Variants in DIAPH2 observed in about 807,000 individuals in gnomAD.
The protein encoded by DIAPH2 is protein diaphanous homolog 2.
A neutral mutation model predicts 92.7 loss-of-function variants in DIAPH2; 35 were observed. That is an observed-to-expected ratio of 0.38 (90% CI 0.29 to 0.50). DIAPH2 has a LOEUF of 0.50. Among genes scored for constraint, DIAPH2 ranks in the 20% least tolerant of loss-of-function variants. The pLI, the probability that DIAPH2 is intolerant of heterozygous loss-of-function variation, is 0.94. For synonymous variants in DIAPH2, 301 were observed against 280.4 expected (o/e 1.07, Z -0.73); for missense variants, 701 against 819.5 (o/e 0.86, Z 1.77).
intron 26 of DIAPH2, among the ~76,000 whole-genome samples, chrX:97,446,434 A>G (rs2070311298): frequency 8.9e-6 from 1 of 112,027 alleles, no homozygotes; most frequent in Non-Finnish European, 1.9e-5. Context: ...TTCTTACTAA[A>G]ACAGGTCATA....
intron 17 of DIAPH2, among the ~76,000 whole-genome samples, chrX:96,988,761 A>T (rs138458637): frequency 0.01 from 1,154 of 111,392 alleles, 18 homozygotes; most frequent in African/African-American, 0.034. Flanking sequence ...TGTAGAGACA[A>T]TCTTTACTTT....
chrX:96,795,888 G>A (rs921971261), intron 4 of DIAPH2, among the ~76,000 whole-genome samples: 6 of 111,787 alleles, frequency 5.4e-5, no homozygotes, highest in African/African-American at 1.3e-4. Context: ...TTGTGAAAAT[G>A]TCTGCCTTTT....
At chrX:97,402,018 G>T (rs1293047322) in intron 25 of DIAPH2, among the ~76,000 whole-genome samples, 1 of 112,764 alleles carries the variant, frequency 8.9e-6, no homozygotes, top group Non-Finnish European at 1.9e-5. Context: ...GACAGTATCA[G>T]TCAGAATCAA....
intron 4 of DIAPH2, chrX:96,793,511 G>A (rs948785384): frequency 6.3e-6 from 2 of 319,895 alleles, no homozygotes; most frequent in African/African-American, 5.3e-5. Flanking sequence ...TTATTAAGTA[G>A]GGGCCTTCGA....
intron 17 of DIAPH2, among the ~76,000 whole-genome samples, chrX:96,981,105 T>C (rs2065994163): frequency 9.2e-6 from 1 of 109,103 alleles, no homozygotes; most frequent in African/African-American, 3.4e-5. Flanking sequence ...CCCAGGGAGG[T>C]TGAGGCTGCA....
intron 4 of DIAPH2, among the ~76,000 whole-genome samples, chrX:96,802,031 C>T (rs768986597): frequency 1.8e-5 from 2 of 111,955 alleles, no homozygotes; most frequent in Non-Finnish European, 3.8e-5. Flanking sequence ...TCCTACTGTC[C>T]TTGTCCTCCC....
In DIAPH2 at chrX:97,338,117, C is replaced by T. The variant is rs7886941; in HGVS notation, c.2845-9999C>T. Among the ~76,000 whole-genome samples the T allele has an allele frequency of 6.4e-3, 710 of 110,379 alleles. 3 individuals are homozygous for T. The highest frequency in any genetic ancestry group is 0.022 in the African/African-American group (666 of 30,353). On this transcript the variant is annotated intron_variant, in intron 23 of 26. Transcript: ENST00000324765. ...AAACTCCTGACCTCAGGTAATCTGC[C>T]CGCCTCGGCCTCCCAAAGTGCTGGG...
At chrX:97,390,209 T>C (rs1222505414) in intron 25 of DIAPH2, among the ~76,000 whole-genome samples, 1 of 4,612 alleles carries the variant, frequency 2.2e-4, no homozygotes, top group Admixed American at 3.7e-3. Context: ...GCTTTCTGTC[T>C]TTTTTTTTTT....
intron 5 of DIAPH2, among the ~76,000 whole-genome samples, chrX:96,905,907 A>T (rs2147774957): frequency 8.9e-6 from 1 of 112,282 alleles, no homozygotes; most frequent in Admixed American, 9.4e-5. Context: ...AAGCAGGCGG[A>T]TCATGAGGTC....
chrX:97,404,081 G>A (rs916981239), intron 25 of DIAPH2, among the ~76,000 whole-genome samples: 3 of 110,347 alleles, frequency 2.7e-5, no homozygotes, highest in Non-Finnish European at 5.7e-5. Flanking sequence ...TCGAACTCCC[G>A]ACCTCAGGTG....
chrX:96,939,311 C>T lies in DIAPH2; in HGVS notation c.1254C>T (p.Asp418=). ...ATCTTCTATATAATATGCTGAAGGA[C>T]ACTGCTGCTGAAAATTACTTCTTAT... ...VYHLLYNMLK[D]TAAENYFLSI... The change falls in exon 12 of 27, where the codon GAC becomes GAT. Residue 418 remains aspartate, a synonymous_variant. Coordinates refer to ENST00000324765, the MANE Select transcript of DIAPH2 (RefSeq NM_006729.5). The T allele has an allele frequency of 8.7e-7, 1 of 1,152,941 alleles. No individual in the cohort carries two copies. Among genetic ancestry groups the T allele is most frequent in the Non-Finnish European group, 1.2e-6 (1 of 851,480 alleles).
intron 1 of DIAPH2, among the ~76,000 whole-genome samples, chrX:96,721,155 G>A (rs185384959): frequency 3.8e-4 from 43 of 111,783 alleles, no homozygotes; most frequent in Admixed American, 1.6e-3. Context: ...CATGTTGCTG[G>A]AACTAAAATT....
At chrX:97,328,742 T>G (rs1186108300) in intron 23 of DIAPH2, among the ~76,000 whole-genome samples, 3 of 111,742 alleles carry the variant, frequency 2.7e-5, no homozygotes, top group African/African-American at 9.7e-5. Context: ...ATAAATAATT[T>G]ATTAATTTCA....
intron 23 of DIAPH2, among the ~76,000 whole-genome samples, chrX:97,345,927 A>T (rs1230208907): frequency 2.7e-5 from 3 of 111,659 alleles, no homozygotes; most frequent in African/African-American, 9.7e-5. Context: ...TCTAAGTTGT[A>T]AAAAAGGGCC....
intron 22 of DIAPH2, among the ~76,000 whole-genome samples, chrX:97,167,810 C>G (rs1291190078): frequency 9.0e-6 from 1 of 111,431 alleles, no homozygotes; most frequent in Non-Finnish European, 1.9e-5. Context: ...GATGGTGTCT[C>G]ACTGTGGTTT....
chrX:97,318,184 G>A (rs2068855819), intron 23 of DIAPH2, among the ~76,000 whole-genome samples: 1 of 111,453 alleles, frequency 9.0e-6, no homozygotes, highest in Non-Finnish European at 1.9e-5. Flanking sequence ...TGTCGCACAG[G>A]CTAGAGTGCA....
chrX:96,756,036 T>A (rs911136065), intron 3 of DIAPH2, among the ~76,000 whole-genome samples: 2 of 110,978 alleles, frequency 1.8e-5, no homozygotes, highest in East Asian at 2.8e-4. Flanking sequence ...GGTAATTTTT[T>A]AAAAGTTTTT....
At chrX:97,221,675 A>G (rs749919499) in intron 22 of DIAPH2, among the ~76,000 whole-genome samples, 1 of 111,865 alleles carries the variant, frequency 8.9e-6, no homozygotes, top group Admixed American at 9.5e-5. Context: ...TGTACATAAA[A>G]ATAGTTGATT....
chrX:96,890,607 G>GC (rs774692976), intron 5 of DIAPH2, among the ~76,000 whole-genome samples: 1 of 110,623 alleles, frequency 9.0e-6, no homozygotes, highest in African/African-American at 3.3e-5. Context: ...TTTTTGTTCA[G>GC]CCCCTCGTAA....
Sources: gnomAD v4.1 joint callset for allele counts (sites outside exome capture counted in the v4.1 genomes callset) on GRCh38, gnomAD v4.1.1 for gene constraint, MANE v1.5 for transcripts, NCBI Gene and HGNC (gene_info 2026-07-23, HGNC 2026-07-21) for gene names.